Variants in GRIK2 observed in about 807,000 individuals in gnomAD.
The protein encoded by GRIK2 is glutamate receptor ionotropic, kainate 2.
Under a neutral mutation model 100.3 loss-of-function variants are expected in GRIK2, and 32 were observed. That is an observed-to-expected ratio of 0.32 (90% CI 0.24 to 0.43). The LOEUF is 0.43. GRIK2 is among the 20% of genes least tolerant of loss of function. The pLI, the probability that GRIK2 is intolerant of heterozygous loss-of-function variation, is 1.00. For synonymous variants in GRIK2, 417 were observed against 389.4 expected (o/e 1.07, Z -0.83); for missense variants, 843 against 1,114.9 (o/e 0.76, Z 3.47).
intron 2 of GRIK2, among the ~76,000 whole-genome samples, chr6:101,471,190 G>A (rs1409142947): frequency 6.6e-6 from 1 of 151,938 alleles, no homozygotes; most frequent in Non-Finnish European, 1.5e-5. Flanking sequence ...TGCACTAATA[G>A]GTGACTTTGG....
At chr6:101,915,575 T>C (rs1789048971) in intron 12 of GRIK2, among the ~76,000 whole-genome samples, 1 of 151,354 alleles carries the variant, frequency 6.6e-6, no homozygotes, top group Non-Finnish European at 1.5e-5. Context: ...AGACTTGTAA[T>C]AACATTATAA....
At chr6:101,937,030 G>C (rs1021048304) in intron 14 of GRIK2, among the ~76,000 whole-genome samples, 3 of 152,034 alleles carry the variant, frequency 2.0e-5, no homozygotes, top group African/African-American at 7.2e-5. Context: ...TTTTATCTTC[G>C]AAAGTAGCCT....
At chr6:101,789,686 C>A (rs1222842182) in intron 7 of GRIK2, among the ~76,000 whole-genome samples, 1 of 152,076 alleles carries the variant, frequency 6.6e-6, no homozygotes, top group Non-Finnish European at 1.5e-5. Flanking sequence ...CTTGGCGATG[C>A]GGGCTCTTTT....
At chr6:101,505,609 T>A (rs1773982148) in intron 2 of GRIK2, among the ~76,000 whole-genome samples, 2 of 152,140 alleles carry the variant, frequency 1.3e-5, no homozygotes, top group Non-Finnish European at 2.9e-5. Flanking sequence ...CTCAAATTAT[T>A]GGTCTAGTTT....
chr6:101,456,813 G>C (rs1771035106), intron 2 of GRIK2, among the ~76,000 whole-genome samples: 1 of 151,940 alleles, frequency 6.6e-6, no homozygotes, highest in Admixed American at 6.6e-5. Flanking sequence ...TAAATATTAA[G>C]AGTTTTAAAT....
chr6:101,411,673 G>T (rs1775889589), intron 2 of GRIK2, among the ~76,000 whole-genome samples: 1 of 152,104 alleles, frequency 6.6e-6, no homozygotes, highest in Non-Finnish European at 1.5e-5. Context: ...ATGAGTAAAT[G>T]TTGTAGATAA....
chr6:101,895,244 A>G (rs985103378), intron 12 of GRIK2, among the ~76,000 whole-genome samples: 5 of 151,800 alleles, frequency 3.3e-5, no homozygotes, highest in African/African-American at 1.2e-4. Context: ...AAAAGAATAT[A>G]GGAATTTTTT....
chr6:102,001,708 T>TTTTCCA (rs1216648410), intron 14 of GRIK2, among the ~76,000 whole-genome samples: 1 of 152,088 alleles, frequency 6.6e-6, no homozygotes, highest in Non-Finnish European at 1.5e-5. Flanking sequence ...AGTCTGGTCG[T>TTTTCCA]GTAGTGCTAC....
Position 101,596,372 on chromosome 6 carries a change from G to T in GRIK2, c.116-25577G>T, listed in dbSNP as rs148498805. The stretch of plus-strand genomic sequence containing the variant: ...ACCTGAGAGGCTTAACTTCTAAGAA[G>T]TATCAGTTGTTTTTTCTTTTTTAAC... On this transcript the variant is annotated intron_variant, in intron 2 of 16. Transcript: ENST00000369134. Among the ~76,000 whole-genome samples, 410 of 151,536 alleles carry T rather than the reference G, an allele frequency of 2.7e-3. 4 individuals are homozygous for T. The highest frequency in any genetic ancestry group is 6.8e-3 in the Middle Eastern group (2 of 292).
intron 7 of GRIK2, among the ~76,000 whole-genome samples, chr6:101,774,644 G>A (rs1413227459): frequency 6.6e-6 from 1 of 152,092 alleles, no homozygotes; most frequent in Non-Finnish European, 1.5e-5. Context: ...TAGTTAAATG[G>A]AACTTTTAAT....
At chr6:101,829,047 G>C (rs2764220) in intron 10 of GRIK2, among the ~76,000 whole-genome samples, 44,888 of 151,738 alleles carry the variant, frequency 0.3, 9,389 homozygotes, top group East Asian at 0.67. Flanking sequence ...AGCAGCACAT[G>C]AAAACATTAG....
chr6:101,535,218 A>G (rs1336751115), intron 2 of GRIK2, among the ~76,000 whole-genome samples: 6 of 151,792 alleles, frequency 4.0e-5, no homozygotes, highest in South Asian at 2.1e-4. Context: ...GAAAACCTCT[A>G]TAAAGGCATG....
intron 2 of GRIK2, among the ~76,000 whole-genome samples, chr6:101,426,100 C>CA (rs1323938199): frequency 2.0e-5 from 3 of 152,192 alleles, no homozygotes; most frequent in Non-Finnish European, 4.4e-5. Context: ...GCTAAGCATT[C>CA]AAATTCCTAA....
At chr6:102,042,890 A>G (rs1770669093) in intron 15 of GRIK2, among the ~76,000 whole-genome samples, 1 of 151,708 alleles carries the variant, frequency 6.6e-6, no homozygotes, top group South Asian at 2.1e-4. Flanking sequence ...CTTTTAACTA[A>G]TATATATGAA....
chr6:101,641,164 A>G (rs925839264), intron 4 of GRIK2, among the ~76,000 whole-genome samples: 1 of 152,088 alleles, frequency 6.6e-6, no homozygotes, highest in African/African-American at 2.4e-5. Flanking sequence ...ACAATCTGAT[A>G]TTACTAGAAT....
intron 7 of GRIK2, among the ~76,000 whole-genome samples, chr6:101,732,568 A>G (rs1775348313): frequency 6.6e-6 from 1 of 152,208 alleles, no homozygotes; most frequent in South Asian, 2.1e-4. Flanking sequence ...CAAAAGATCA[A>G]ATATAGAGAA....
chr6:101,650,998 CTTT>C (rs1382580168), intron 4 of GRIK2, among the ~76,000 whole-genome samples: 2 of 89,520 alleles, frequency 2.2e-5, no homozygotes, highest in Non-Finnish European at 4.1e-5. Flanking sequence ...GTATTTCTTT[CTTT>C]TTCTTTTTTT....
At chr6:101,917,927 G>A (rs777476619) in intron 12 of GRIK2, among the ~76,000 whole-genome samples, 10 of 151,120 alleles carry the variant, frequency 6.6e-5, no homozygotes, top group Admixed American at 1.3e-4. Context: ...TGTATTCCTC[G>A]TACTAGAATG....
At chr6:101,711,233 A>G (rs1297955231) in intron 7 of GRIK2, among the ~76,000 whole-genome samples, 1 of 151,894 alleles carries the variant, frequency 6.6e-6, no homozygotes, top group African/African-American at 2.4e-5. Context: ...AGAAATACTT[A>G]AAAACATTAT....
Sources: allele counts gnomAD v4.1 joint callset (sites outside exome capture counted in the v4.1 genomes callset), GRCh38; gene constraint gnomAD v4.1.1; transcripts MANE v1.5; gene names NCBI Gene and HGNC (gene_info 2026-07-23, HGNC 2026-07-21).